SLC67A1: variants seen among roughly 807,000 people sequenced by gnomAD.
SLC67A1 encodes solute carrier family 67 member A1.
the SLC67A1 span, among the ~76,000 whole-genome samples, chr11:2,900,714 A>AAAAAAAAAAAC: frequency 6.6e-6 from 1 of 150,694 alleles, no homozygotes. Flanking sequence ...AAAAAAAAAA[A>AAAAAAAAAAAC]AAAGATATGG....
the SLC67A1 span, among the ~76,000 whole-genome samples, chr11:2,907,659 G>T: frequency 6.6e-6 from 1 of 152,316 alleles, no homozygotes; most frequent in Admixed American, 6.5e-5. The surrounding 1 kb of genome is among the most constrained non-coding windows in gnomAD (Gnocchi z 6.7). Context: ...ACTGGAAGGA[G>T]AGTCGGGAAC....
chr11:2,907,862 G>C, the SLC67A1 span, among the ~76,000 whole-genome samples: 1 of 152,192 alleles, frequency 6.6e-6, no homozygotes, highest in African/African-American at 2.4e-5. The surrounding 1 kb of genome is among the most constrained non-coding windows in gnomAD (Gnocchi z 6.7). Context: ...TCACTTGGGG[G>C]CCTTGGGACA....
At chr11:2,925,233 C>A in the SLC67A1 span, 1 of 1,587,086 alleles carries the variant, frequency 6.3e-7, no homozygotes, top group Non-Finnish European at 8.6e-7. This position sits in a 1 kb window ranked among gnomAD's most constrained non-coding sequence, Gnocchi z 6.5. Context: ...TAAACTCCTA[C>A]TAAATCCCTC....
the SLC67A1 span, among the ~76,000 whole-genome samples, chr11:2,913,533 C>T: frequency 2.7e-3 from 405 of 152,196 alleles, 2 homozygotes; most frequent in African/African-American, 8.8e-3. Context: ...TTCTGGGGCA[C>T]GCTGGAAGCC....
chr11:2,903,580 G>A, the SLC67A1 span: 5 of 1,469,752 alleles, frequency 3.4e-6, no homozygotes, highest in Admixed American at 3.6e-5. Context: ...GAGAGTGGGG[G>A]TGGGGGTTTC....
At chr11:2,917,975 C>T in the SLC67A1 span, 3 of 1,606,300 alleles carry the variant, frequency 1.9e-6, no homozygotes, top group Non-Finnish European at 1.7e-6. Flanking sequence ...CCTGAATGGC[C>T]TCTCCGTGCC....
At chr11:2,919,382 T>C in the SLC67A1 span, 10 of 1,613,646 alleles carry the variant, frequency 6.2e-6, no homozygotes, top group African/African-American at 1.1e-4. Context: ...GGCTACCTCA[T>C]GTCCTTCTTC....
At chr11:2,923,238 T>C in the SLC67A1 span, among the ~76,000 whole-genome samples, 1 of 152,164 alleles carries the variant, frequency 6.6e-6, no homozygotes, top group Non-Finnish European at 1.5e-5. This position sits in a 1 kb window ranked among gnomAD's most constrained non-coding sequence, Gnocchi z 6.5. Context: ...TTTGGAGTAC[T>C]GGAGATTCTT....
chr11:2,924,510 G>A, the SLC67A1 span, among the ~76,000 whole-genome samples: 5 of 152,218 alleles, frequency 3.3e-5, no homozygotes, highest in East Asian at 7.7e-4. This position sits in a 1 kb window ranked among gnomAD's most constrained non-coding sequence, Gnocchi z 8.6. Context: ...ACCAGCCCTC[G>A]GTGGTGGCAG....
At chr11:2,914,859 G>A in the SLC67A1 span, 1 of 985,332 alleles carries the variant, frequency 1.0e-6, no homozygotes, top group Admixed American at 6.1e-5. Flanking sequence ...CTCTGGGGCT[G>A]GCCACAGGGG....
At chr11:2,901,295 G>C in the SLC67A1 span, among the ~76,000 whole-genome samples, 2 of 152,238 alleles carry the variant, frequency 1.3e-5, no homozygotes, top group African/African-American at 4.8e-5. Context: ...GCCGGCCTTG[G>C]GCCACCTGGC....
At chr11:2,909,588 G>A in the SLC67A1 span, 1,263 of 1,529,576 alleles carry the variant, frequency 8.3e-4, 2 homozygotes, top group Non-Finnish European at 1.0e-3. Flanking sequence ...CCGCCCAGAT[G>A]GTCATCACGG....
At chr11:2,908,657 G>A in the SLC67A1 span, among the ~76,000 whole-genome samples, 1 of 152,200 alleles carries the variant, frequency 6.6e-6, no homozygotes, top group Non-Finnish European at 1.5e-5. Context: ...CCGGGTCTCA[G>A]TGCTGTGGGA....
chr11:2,904,418 C>T, the SLC67A1 span, among the ~76,000 whole-genome samples: 1 of 152,262 alleles, frequency 6.6e-6, no homozygotes, highest in Non-Finnish European at 1.5e-5. Flanking sequence ...CCGCCCACTC[C>T]TGCTAAATGG....
At chr11:2,919,359 G>A in the SLC67A1 span, 1 of 1,613,940 alleles carries the variant, frequency 6.2e-7, no homozygotes, top group Non-Finnish European at 8.5e-7. Context: ...TCCAGCTGGA[G>A]GCCGCCCAAG....
chr11:2,908,752 C>G, the SLC67A1 span, among the ~76,000 whole-genome samples: 2 of 152,170 alleles, frequency 1.3e-5, no homozygotes, highest in Non-Finnish European at 2.9e-5. Flanking sequence ...GGAGTTGCCT[C>G]TTCAGAGCAA....
chr11:2,909,241 C>T, the SLC67A1 span: 2 of 1,539,188 alleles, frequency 1.3e-6, no homozygotes, highest in African/African-American at 2.7e-5. Context: ...CGCTCTCCTT[C>T]CTGGCTGCCT....
the SLC67A1 span, chr11:2,919,377 C>A: frequency 8.7e-6 from 14 of 1,613,724 alleles, no homozygotes; most frequent in South Asian, 1.3e-4. Flanking sequence ...AAGCTGGCTA[C>A]CTCATGTCCT....
the SLC67A1 span, chr11:2,925,046 T>C: frequency 2.5e-6 from 4 of 1,613,354 alleles, no homozygotes; most frequent in African/African-American, 1.3e-5. This position sits in a 1 kb window ranked among gnomAD's most constrained non-coding sequence, Gnocchi z 6.5. Context: ...GTACAACCAC[T>C]GCTCCGAACT....
Sources: gnomAD v4.1 joint callset for allele counts (sites outside exome capture counted in the v4.1 genomes callset) on GRCh38, gnomAD v4.1.1 for gene constraint, Gnocchi (gnomAD v3.1) non-coding constraint, MANE v1.5 for transcripts, NCBI Gene and HGNC (gene_info 2026-07-23, HGNC 2026-07-21) for gene names.